The following ANKRD23 variants were observed in gnomAD, a reference collection of about 807,000 sequenced individuals.
The protein encoded by ANKRD23 is ankyrin repeat domain-containing protein 23.
ANKRD23 carries 52 observed loss-of-function variants against 38.1 expected under a neutral mutation model. The observed-to-expected ratio is 1.36, with a 90% confidence interval of 1.09 to 1.72. ANKRD23 has a LOEUF of 1.72. Among genes scored for constraint, ANKRD23 ranks in the 40% most tolerant of loss-of-function variants. ANKRD23 has a pLI of 0.00. For missense variants in ANKRD23, 416 were observed against 400.2 expected, an observed-to-expected ratio of 1.04 and a Z score of -0.34; for synonymous variants, 167 against 162.9, an observed-to-expected ratio of 1.03 and a Z score of -0.19.
chr2:96,843,853 G>T, intron 1 of ANKRD23, 113 bp downstream of exon 1: 3 of 1,000,020 alleles, frequency 3.0e-6, no homozygotes, highest in Non-Finnish European at 4.4e-6. Context: ...ATGCTTCCCT[G>T]CACCTAAGAC....
rs1006130993 is a variant in ANKRD23 at position 96,842,165 on chromosome 2, G to A, written c.195C>T (p.Thr65=). ...KKKKLERFNS[T]RFNLDNLADL... ...CAGCCAGGTTATCCAGATTAAATCT[G>A]GTACTGTTAAATCTTTCAAGCTGGG... Residue 65 remains threonine, a synonymous_variant, in exon 3 of 9, where the codon ACC becomes ACT. Coordinates refer to ENST00000318357, the MANE Select transcript of ANKRD23 (RefSeq NM_144994.8). 6.2e-7 allele frequency: 1 copy of A among 1,614,154 alleles called. No individual in the cohort carries two copies.
Position 96,840,232 on chromosome 2 carries a change from C to CTTGTCCCGGGCA in ANKRD23, c.612_623dup (p.Asn204_Asp207dup). 1 of 1,609,778 alleles carries CTTGTCCCGGGCA rather than the reference C, an allele frequency of 6.2e-7. No individual in the cohort carries two copies. Among genetic ancestry groups the CTTGTCCCGGGCA allele is most frequent in the South Asian group, 1.1e-5 (1 of 90,234 alleles). ...GCCCCCAAAGCACCGTGCCCCTCAC[C>CTTGTCCCGGGCA]TTGTCCCGGGCATTGACCCGGGCTC... On this transcript the variant is annotated inframe_insertion and splice_region_variant, in exon 6 of 9. Transcript: ENST00000318357.
rs1002914501 is a variant in ANKRD23, at chr2:96,839,264, C to T, written c.*285G>A. ...CGTTCTTGGCCCTCACTCTCCTCCCCTTCCTGGCCCTCATCTGGACCCGCG... is the reference window on the plus strand; with the variant it reads ...CGTTCTTGGCCCTCACTCTCCTCCCTTTCCTGGCCCTCATCTGGACCCGCG... On this transcript the variant is annotated 3_prime_UTR_variant, in exon 9 of 9. Transcript: ENST00000318357. 1.7e-6 allele frequency: 2 copies of T among 1,183,864 alleles called. No individual in the cohort carries two copies. Among genetic ancestry groups the T allele is most frequent in the Non-Finnish European group, 2.1e-6 (2 of 957,616 alleles). The allele number at this position is 1,183,864 out of a possible 1,614,324, so 73.3% of individuals were successfully genotyped here. A position where few individuals can be genotyped will look rare whatever the true frequency, so the allele number is the denominator to read the frequency against.
At position 96,838,324 on chromosome 2, in the gene ANKRD23, T is replaced by G; in HGVS notation, c.*1225A>C. 2 of 980,856 alleles carry G rather than the reference T, an allele frequency of 2.0e-6. No homozygotes were observed. The highest frequency in any genetic ancestry group is 2.4e-6 in the Non-Finnish European group (2 of 823,620). 60.8% of individuals were successfully genotyped at this position (980,856 alleles called of 1,614,324 possible). ...TGTGGTTCTCAGTTTAGGGCAGAGC[T>G]TCTTAAGATTCACTTTCTGGCGTTT... On this transcript the variant is annotated 3_prime_UTR_variant, in exon 9 of 9. Transcript: ENST00000318357.
intron 3 of ANKRD23, 37 bp downstream of exon 3, chr2:96,842,023 G>A (rs779423681): frequency 1.2e-6 from 2 of 1,612,642 alleles, no homozygotes; most frequent in Non-Finnish European, 1.7e-6. Context: ...CTGGAGCCCT[G>A]GTGTGTGCAC....
At position 96,840,787 on chromosome 2, in the gene ANKRD23, C is replaced by T; in HGVS notation, c.426G>A (p.Lys142=). The change falls in exon 4 of 9, where the codon AAG becomes AAA. Residue 142 remains lysine, a splice_region_variant and synonymous_variant. Coordinates refer to ENST00000318357, the MANE Select transcript of ANKRD23 (RefSeq NM_144994.8). The part of the protein sequence containing the change: ...TDGGDPNAHD[K]LHRTALHWAC... Reference sequence around the variant, plus strand: ...AGCCGACTCACCCAACCTGTGCTACCTTGTCATGGGCATTGGGGTCCCCTC... The same window carrying T: ...AGCCGACTCACCCAACCTGTGCTACTTTGTCATGGGCATTGGGGTCCCCTC... The T allele has an allele frequency of 6.2e-7, 1 of 1,614,178 alleles. No individual in the cohort carries two copies. Among genetic ancestry groups the T allele is most frequent in the Non-Finnish European group, 8.5e-7 (1 of 1,180,034 alleles).
At chr2:96,842,557 C>A (rs1295976465) in intron 1 of ANKRD23, 46 bp from the exon 2 acceptor site, 2 of 1,576,486 alleles carry the variant, frequency 1.3e-6, no homozygotes, top group Non-Finnish European at 1.7e-6. Flanking sequence ...ATTGGAGGAA[C>A]CCTTAGAAAA....
intron 7 of ANKRD23, 45 bp downstream of exon 7, chr2:96,839,949 GCTC>G: frequency 6.4e-7 from 1 of 1,550,512 alleles, no homozygotes; most frequent in Non-Finnish European, 8.7e-7. Flanking sequence ...CTCAGTCCCT[GCTC>G]CTCTGGAGCT....
intron 1 of ANKRD23, among the ~76,000 whole-genome samples, chr2:96,843,497 A>G (rs1574130912): frequency 6.6e-6 from 1 of 152,100 alleles, no homozygotes; most frequent in South Asian, 2.1e-4. Flanking sequence ...CTGAACTACA[A>G]CCACCACAGC....
In ANKRD23 at chr2:96,839,604, C is replaced by T. The variant is rs529514658; in HGVS notation, c.863G>A (p.Arg288His). 4.0e-6 allele frequency: 6 copies of T among 1,490,604 alleles called. No individual in the cohort carries two copies. The East Asian group carries it at 1.2e-4, about 29-fold the overall frequency. 92.3% of individuals were successfully genotyped at this position (1,490,604 alleles called of 1,614,324 possible). A position where few individuals can be genotyped will look rare whatever the true frequency, so the allele number is the denominator to read the frequency against. ...GGCCTGCAGGGCCTCCCGGATGCCG[C>T]GCTGCCAGTCTCGAGCCAGCTGCAC... ...TPVQLARDWQ[R>H]GIREALQAHV... The change falls in exon 9 of 9, where the codon CGC becomes CAC. Residue 288 changes from arginine to histidine, a missense_variant. Coordinates refer to ENST00000318357, the MANE Select transcript of ANKRD23 (RefSeq NM_144994.8).
rs1472554813 is a variant in ANKRD23 at position 96,839,601 on chromosome 2, C to T, written c.866G>A (p.Gly289Asp). Residue 289 changes from glycine (G) to aspartate (D), a missense_variant, in exon 9 of 9, where the codon GGC becomes GAC. Transcript: ENST00000318357. ...PVQLARDWQR[G>D]IREALQAHVA... ...GTGGGCCTGCAGGGCCTCCCGGATGCCGCGCTGCCAGTCTCGAGCCAGCTG... is the reference window on the plus strand; with the variant it reads ...GTGGGCCTGCAGGGCCTCCCGGATGTCGCGCTGCCAGTCTCGAGCCAGCTG... 1 of 1,487,940 alleles carries T rather than the reference C, an allele frequency of 6.7e-7. No individual in the cohort carries two copies. Among genetic ancestry groups the T allele is most frequent in the East Asian group, 2.4e-5 (1 of 42,112 alleles). The allele number at this position is 1,487,940 out of a possible 1,614,324, so 92.2% of individuals were successfully genotyped here.
In ANKRD23 at chr2:96,840,225, C is replaced by T. The variant is rs766286335; in HGVS notation, c.624+7G>A. Reference sequence around the variant, plus strand: ...CCGACAGGCCCCCAAAGCACCGTGCCCCTCACCTTGTCCCGGGCATTGACC... The same window carrying T: ...CCGACAGGCCCCCAAAGCACCGTGCTCCTCACCTTGTCCCGGGCATTGACC... On this transcript the variant is annotated splice_region_variant and intron_variant, in intron 6 of 8. Transcript: ENST00000318357. 2.5e-6 allele frequency: 4 copies of T among 1,608,876 alleles called. No homozygotes were observed. The East Asian group carries it at 8.9e-5, about 36-fold the overall frequency.
Position 96,838,766 on chromosome 2 carries a change from C to G in ANKRD23, c.*783G>C. ...CAACGGTGTGCCAGGCCGGCCTGAG[C>G]GGGGCCAGTACACAGTGGGTGCGAG... On this transcript the variant is annotated 3_prime_UTR_variant, in exon 9 of 9. Transcript: ENST00000318357. 1.0e-6 allele frequency: 1 copy of G among 985,630 alleles called. No individual in the cohort carries two copies. The highest frequency in any genetic ancestry group is 1.2e-6 in the Non-Finnish European group (1 of 830,086). The allele number at this position is 985,630 out of a possible 1,614,324, so 61.1% of individuals were successfully genotyped here. A position where few individuals can be genotyped will look rare whatever the true frequency, so the allele number is the denominator to read the frequency against.
At chr2:96,842,034 T>G (rs1268839454) in intron 3 of ANKRD23, 26 bp downstream of exon 3, 1 of 1,613,142 alleles carries the variant, frequency 6.2e-7, no homozygotes. Context: ...GTGTGTGCAC[T>G]GCCCTAACCC....
chr2:96,839,965 C>A, intron 7 of ANKRD23, 32 bp downstream of exon 7: 1 of 1,551,444 alleles, frequency 6.4e-7, no homozygotes. Context: ...CTGGAGCTGT[C>A]CGAGCCGGAA....
Position 96,838,193 on chromosome 2 carries a change from G to A in ANKRD23, c.*1356C>T, listed in dbSNP as rs1574125531. ...CCTGAGAAGGCCCCCAAAGGTAGACGAAAAGGAACCATGGCCAAATGCCTA... is the reference window on the plus strand; with the variant it reads ...CCTGAGAAGGCCCCCAAAGGTAGACAAAAAGGAACCATGGCCAAATGCCTA... On this transcript the variant is annotated 3_prime_UTR_variant, in exon 9 of 9. Coordinates refer to ENST00000318357, the MANE Select transcript of ANKRD23 (RefSeq NM_144994.8). 1 of 327,192 alleles carries A rather than the reference G, an allele frequency of 3.1e-6. No homozygotes were observed. The highest frequency in any genetic ancestry group is 4.4e-6 in the Non-Finnish European group (1 of 227,342). 20.3% of individuals were successfully genotyped at this position (327,192 alleles called of 1,614,324 possible).
intron 6 of ANKRD23, 48 bp downstream of exon 6, chr2:96,840,184 G>A (rs1487194387): frequency 7.0e-6 from 11 of 1,579,162 alleles, no homozygotes; most frequent in East Asian, 2.3e-5. Context: ...CAGGAACAGC[G>A]TCTGCTCCCG....
rs2079716497 is a variant in ANKRD23, at chr2:96,838,357, C to T, written c.*1192G>A. The T allele has an allele frequency of 1.0e-6, 1 of 988,080 alleles. No individual in the cohort carries two copies. The highest frequency in any genetic ancestry group is 1.2e-6 in the Non-Finnish European group (1 of 830,114). 61.2% of individuals were successfully genotyped at this position (988,080 alleles called of 1,614,324 possible). A position where few individuals can be genotyped will look rare whatever the true frequency, so the allele number is the denominator to read the frequency against. ...ATTCACTTTCTGGCGTTTAGGGGCCCAGCCCCACCAGCAGTACAGGCCTAC... is the reference window on the plus strand; with the variant it reads ...ATTCACTTTCTGGCGTTTAGGGGCCTAGCCCCACCAGCAGTACAGGCCTAC... On this transcript the variant is annotated 3_prime_UTR_variant, in exon 9 of 9. Transcript: ENST00000318357.
Position 96,840,220 on chromosome 2 carries a change from C to G in ANKRD23, c.624+12G>C, listed in dbSNP as rs374283622. 2.7e-5 allele frequency: 44 copies of G among 1,606,434 alleles called. No individual in the cohort carries two copies. In the African/African-American group the frequency reaches 4.3e-4, roughly 16 times the overall value. ...TGTTCCCGACAGGCCCCCAAAGCAC[C>G]GTGCCCCTCACCTTGTCCCGGGCAT... is the stretch of plus-strand genomic sequence containing the variant. On this transcript the variant is annotated intron_variant, in intron 6 of 8. Coordinates refer to ENST00000318357, the MANE Select transcript of ANKRD23 (RefSeq NM_144994.8).
Sources: gnomAD v4.1 joint callset for allele counts (sites outside exome capture counted in the v4.1 genomes callset) on GRCh38, gnomAD v4.1.1 for gene constraint, MANE v1.5 for transcripts, NCBI Gene and HGNC (gene_info 2026-07-23, HGNC 2026-07-21) for gene names.